Variants in ANK3 observed in about 807,000 individuals in gnomAD.
ANK3 encodes the protein ankyrin-3.
In ANK3, 57 loss-of-function variants were observed where a neutral mutation model predicts 370.9. The observed-to-expected ratio is 0.15, with a 90% CI of 0.12 to 0.19. ANK3 has a LOEUF of 0.19. ANK3 is among the 10% of genes least tolerant of loss of function. The probability of loss-of-function intolerance (pLI) is 1.00; values close to 1 mark genes in which losing one functional copy is unlikely to be tolerated. For synonymous variants in ANK3, 1,929 were observed against 1,946.3 expected (o/e 0.99, Z 0.23); for missense variants, 4,439 against 5,302.1 (o/e 0.84, Z 5.06).
intron 2 of ANK3, among the ~76,000 whole-genome samples, chr10:60,519,899 G>A (rs571053837): frequency 2.7e-4 from 41 of 152,206 alleles, no homozygotes; most frequent in African/African-American, 7.7e-4. Flanking sequence ...ATGGGTTAGA[G>A]GGTTGATCAG....
At chr10:60,284,946 C>T (rs1481912301) in intron 1 of ANK3, among the ~76,000 whole-genome samples, 1 of 152,034 alleles carries the variant, frequency 6.6e-6, no homozygotes, top group East Asian at 1.9e-4. Context: ...CTTTTTTCTA[C>T]TGGTGCCCTG....
chr10:60,081,053 A>T (rs2085084721), intron 35 of ANK3, among the ~76,000 whole-genome samples: 1 of 148,146 alleles, frequency 6.8e-6, no homozygotes, highest in African/African-American at 2.5e-5. Flanking sequence ...AAAACAGATG[A>T]ATGGTTTTGT....
intron 2 of ANK3, among the ~76,000 whole-genome samples, chr10:60,564,462 T>C (rs185217875): frequency 6.6e-6 from 1 of 152,322 alleles, no homozygotes; most frequent in East Asian, 1.9e-4. Context: ...ATGAAAATTA[T>C]AGGTCAATGA....
At chr10:60,217,146 TTC>T (rs1434766394) in intron 8 of ANK3, among the ~76,000 whole-genome samples, 2 of 152,166 alleles carry the variant, frequency 1.3e-5, no homozygotes, top group African/African-American at 4.8e-5. Context: ...TATTTGATTC[TTC>T]TCTCTTTTCT....
chr10:60,546,513 T>TTTGCATG (rs1458622997), intron 2 of ANK3, among the ~76,000 whole-genome samples: 1 of 152,182 alleles, frequency 6.6e-6, no homozygotes, highest in African/African-American at 2.4e-5. Context: ...TTAAGGTAAA[T>TTTGCATG]ACTAGGAGTT....
intron 2 of ANK3, among the ~76,000 whole-genome samples, chr10:60,428,373 A>G (rs576834638): frequency 6.6e-6 from 1 of 152,306 alleles, no homozygotes; most frequent in South Asian, 2.1e-4. Flanking sequence ...CTCATTTTAC[A>G]TGGTGCTGTG....
At chr10:60,674,768 T>C (rs2079104275) in intron 1 of ANK3, among the ~76,000 whole-genome samples, 1 of 152,240 alleles carries the variant, frequency 6.6e-6, no homozygotes. Context: ...TTCTGATTTA[T>C]ATAGCCATAA....
chr10:60,442,798 C>A (rs909815946), intron 2 of ANK3, among the ~76,000 whole-genome samples: 8 of 152,204 alleles, frequency 5.3e-5, no homozygotes, highest in Non-Finnish European at 8.8e-5. Context: ...TGATCCCCCA[C>A]AAACTCTATG....
intron 1 of ANK3, among the ~76,000 whole-genome samples, chr10:60,339,246 A>G (rs1206092587): frequency 6.6e-6 from 1 of 152,202 alleles, no homozygotes; most frequent in East Asian, 1.9e-4. Flanking sequence ...CTCAGAGGCC[A>G]ATCATATTTC....
At chr10:60,590,039 A>G (rs2077888469) in intron 2 of ANK3, among the ~76,000 whole-genome samples, 1 of 152,216 alleles carries the variant, frequency 6.6e-6, no homozygotes, top group African/African-American at 2.4e-5. Context: ...GCACATAATG[A>G]AAATACACTT....
intron 2 of ANK3, among the ~76,000 whole-genome samples, chr10:60,545,114 A>G (rs2076934012): frequency 2.3e-5 from 1 of 43,518 alleles, no homozygotes; most frequent in Non-Finnish European, 5.8e-5. Flanking sequence ...GTCATGACGA[A>G]CAGTGATGAT....
At chr10:60,681,770 A>T (rs1034840032) in intron 1 of ANK3, among the ~76,000 whole-genome samples, 1 of 152,222 alleles carries the variant, frequency 6.6e-6, no homozygotes, top group African/African-American at 2.4e-5. Context: ...GTAAGTTACC[A>T]TGGGACTGAG....
At chr10:60,693,057 G>A (rs995764900) in intron 1 of ANK3, among the ~76,000 whole-genome samples, 11 of 152,194 alleles carry the variant, frequency 7.2e-5, no homozygotes, top group African/African-American at 2.2e-4. Context: ...CACCATGCAC[G>A]AGCCGAAGCA....
intron 1 of ANK3, among the ~76,000 whole-genome samples, chr10:60,335,427 T>C (rs896788130): frequency 6.6e-6 from 1 of 152,180 alleles, no homozygotes; most frequent in Non-Finnish European, 1.5e-5. Context: ...TGTTCTTTTC[T>C]AGACCATCTA....
At chr10:60,451,786 G>GGT (rs1336727320) in intron 2 of ANK3, among the ~76,000 whole-genome samples, 2 of 152,104 alleles carry the variant, frequency 1.3e-5, no homozygotes, top group East Asian at 3.9e-4. Flanking sequence ...ACGCTCTGTG[G>GGT]GTGTGTGTGG....
chr10:60,058,902 G>A (rs1324136682), intron 41 of ANK3, among the ~76,000 whole-genome samples: 7 of 152,100 alleles, frequency 4.6e-5, no homozygotes, highest in Admixed American at 2.0e-4. Flanking sequence ...TTACAGGTGC[G>A]TGACACCACA....
At chr10:60,303,352 A>T (rs1353440437) in intron 1 of ANK3, among the ~76,000 whole-genome samples, 1 of 152,192 alleles carries the variant, frequency 6.6e-6, no homozygotes, top group African/African-American at 2.4e-5. Context: ...AATTCATACA[A>T]CTCAATAGTA....
At chr10:60,515,711 C>T (rs2076201215) in intron 2 of ANK3, among the ~76,000 whole-genome samples, 1 of 152,052 alleles carries the variant, frequency 6.6e-6, no homozygotes, top group Non-Finnish European at 1.5e-5. Context: ...AGCCTTGGGA[C>T]ATGAGAAATT....
intron 2 of ANK3, among the ~76,000 whole-genome samples, chr10:60,563,272 G>C (rs1290151331): frequency 6.6e-6 from 1 of 152,040 alleles, no homozygotes; most frequent in African/African-American, 2.4e-5. Context: ...ACAGACCTTT[G>C]CTATAGTGCT....
Sources: gnomAD v4.1 joint callset for allele counts (sites outside exome capture counted in the v4.1 genomes callset) on GRCh38, gnomAD v4.1.1 for gene constraint, MANE v1.5 for transcripts, NCBI Gene and HGNC (gene_info 2026-07-23, HGNC 2026-07-21) for gene names.